The following OSMR variants were observed in gnomAD, a reference collection of about 807,000 sequenced individuals.
OSMR encodes the protein oncostatin-M-specific receptor subunit beta.
Under a neutral mutation model 99.9 loss-of-function variants are expected in OSMR, and 81 were observed. That is an observed-to-expected ratio of 0.81 (90% CI 0.68 to 0.97). OSMR has a LOEUF of 0.97. Ranked by LOEUF, OSMR falls within the 50% of genes least tolerant of loss-of-function variation. The probability of loss-of-function intolerance (pLI) is 0.00; values close to 1 mark genes in which losing one functional copy is unlikely to be tolerated. For synonymous variants in OSMR, 406 were observed against 410.4 expected (o/e 0.99, Z 0.13); for missense variants, 1,099 against 1,153.4 (o/e 0.95, Z 0.68).
At position 38,886,034 on chromosome 5, in the gene OSMR, T is replaced by A; in HGVS notation, c.840-5T>A. 1 of 1,613,052 alleles carries A rather than the reference T, an allele frequency of 6.2e-7. No homozygotes were observed. Reference sequence around the variant, plus strand: ...TGGTTGTGTTATTTTGTTTTGTTTTTAAAGATTTTCTGGGGAAAAGAAACT... The same window carrying A: ...TGGTTGTGTTATTTTGTTTTGTTTTAAAAGATTTTCTGGGGAAAAGAAACT... On this transcript the variant is annotated splice_region_variant and splice_polypyrimidine_tract_variant and intron_variant, in intron 6 of 17. Coordinates refer to ENST00000274276, the MANE Select transcript of OSMR (RefSeq NM_003999.3).
At chr5:38,936,585 C>A (rs1747054764), downstream of OSMR, among the ~76,000 whole-genome samples, 3 of 152,270 alleles carry the variant, frequency 2.0e-5, no homozygotes, top group South Asian at 6.2e-4. Flanking sequence ...AACCTTGTTA[C>A]CTACTAGAAT....
intron 7 of OSMR, among the ~76,000 whole-genome samples, chr5:38,892,900 C>G (rs1301192143): frequency 6.9e-6 from 1 of 145,644 alleles, no homozygotes; most frequent in East Asian, 2.0e-4. Context: ...AGTGCACTTA[C>G]AGGAGCTTCT....
rs1745979052 is a variant in OSMR, at chr5:38,917,566, G to T, written c.1306G>T (p.Val436Phe). 1.2e-6 allele frequency: 2 copies of T among 1,613,714 alleles called. No individual in the cohort carries two copies. The highest frequency in any genetic ancestry group is 2.2e-5 in the South Asian group (2 of 91,074). ...LEAAPSEAPD[V>F]WRIVSLEPGN... ...TTCAGCTCCCTCAGAGGCCCCTGATGTCTGGAGAATTGTGAGCTTGGAGCC... is the reference window on the plus strand; with the variant it reads ...TTCAGCTCCCTCAGAGGCCCCTGATTTCTGGAGAATTGTGAGCTTGGAGCC... Residue 436 changes from valine to phenylalanine, a missense_variant, in exon 10 of 18, where the codon GTC becomes TTC. Coordinates refer to ENST00000274276, the MANE Select transcript of OSMR (RefSeq NM_003999.3).
At position 38,921,505 on chromosome 5, in the gene OSMR, C is replaced by A. The variant is rs183966065; in HGVS notation, c.1586-110C>A. On this transcript the variant is annotated intron_variant, in intron 11 of 17. Coordinates refer to ENST00000274276, the MANE Select transcript of OSMR (RefSeq NM_003999.3). Reference sequence around the variant, plus strand: ...CACCTGTAACTATTGAAGTGGAGGTCTGTTACCTACTAGATACAGTGCATG... The same window carrying A: ...CACCTGTAACTATTGAAGTGGAGGTATGTTACCTACTAGATACAGTGCATG... 1.6e-3 allele frequency: 2,467 copies of A among 1,557,034 alleles called. 6 individuals carry two copies. The highest frequency in any genetic ancestry group is 2.0e-3 in the Non-Finnish European group (2,356 of 1,151,632).
intron 9 of OSMR, among the ~76,000 whole-genome samples, chr5:38,910,238 G>C (rs1745487742): frequency 6.6e-6 from 1 of 152,162 alleles, no homozygotes; most frequent in African/African-American, 2.4e-5. Context: ...AGTTCTTAGA[G>C]ACTTACAAAG....
At chr5:38,945,074 GA>G (rs767644787) in exon 3 of OSMR, 2 of 1,575,474 alleles carry the variant, frequency 1.3e-6, no homozygotes, top group Admixed American at 1.8e-5. Context: ...AAAGTCTGAA[GA>G]AAAAAATAAT....
At chr5:38,855,688 A>AC (rs1268521937) in intron 1 of OSMR, among the ~76,000 whole-genome samples, 9 of 138,184 alleles carry the variant, frequency 6.5e-5, no homozygotes, top group African/African-American at 1.6e-4. Flanking sequence ...CATTGCACTA[A>AC]CCCCCCCAAC....
chr5:38,927,115 A>AGG (rs1746507563), intron 15 of OSMR, among the ~76,000 whole-genome samples: 1 of 152,244 alleles, frequency 6.6e-6, no homozygotes, highest in African/African-American at 2.4e-5. Flanking sequence ...GGTCTTGGAC[A>AGG]GTTCCACCCC....
intron 13 of OSMR, among the ~76,000 whole-genome samples, chr5:38,924,012 A>T (rs1037181201): frequency 2.0e-5 from 3 of 152,218 alleles, no homozygotes; most frequent in Non-Finnish European, 2.9e-5. Context: ...CTCTTTGAAC[A>T]TAATTCTTCC....
chr5:38,857,940 T>A (rs1740984787), intron 1 of OSMR, among the ~76,000 whole-genome samples: 1 of 152,174 alleles, frequency 6.6e-6, no homozygotes, highest in African/African-American at 2.4e-5. Context: ...AATGCTGGGA[T>A]TACAGGCGTG....
Position 38,933,600 on chromosome 5 carries a change from G to T in OSMR, c.*156G>T. ...CAGTCTGGCTAGGTTAAAGGCCAGA[G>T]GCTATGGAACTTAACACTCCCCATT... On this transcript the variant is annotated 3_prime_UTR_variant, in exon 18 of 18. Coordinates refer to ENST00000274276, the MANE Select transcript of OSMR (RefSeq NM_003999.3). 1 of 791,434 alleles carries T rather than the reference G, an allele frequency of 1.3e-6. No individual in the cohort carries two copies. Among genetic ancestry groups the T allele is most frequent in the Non-Finnish European group, 2.1e-6 (1 of 482,712 alleles). 49.0% of individuals were successfully genotyped at this position (791,434 alleles called of 1,614,324 possible).
downstream of OSMR, chr5:38,945,574 T>C: frequency 6.2e-7 from 1 of 1,614,110 alleles, no homozygotes; most frequent in Non-Finnish European, 8.5e-7. Context: ...GCAGTTATCA[T>C]CTGTATGTTC....
chr5:38,862,943 G>C (rs938782153), intron 1 of OSMR, among the ~76,000 whole-genome samples: 26 of 152,008 alleles, frequency 1.7e-4, no homozygotes, highest in African/African-American at 4.6e-4. Flanking sequence ...TGGCGGATCA[G>C]TCGCGGTTAG....
chr5:38,897,231 G>A (rs1366484277), intron 7 of OSMR, among the ~76,000 whole-genome samples: 1 of 151,968 alleles, frequency 6.6e-6, no homozygotes, highest in African/African-American at 2.4e-5. Flanking sequence ...ATTGATATTA[G>A]TTCTTTAAAT....
At position 38,886,167 on chromosome 5, in the gene OSMR, T is replaced by A; in HGVS notation, c.968T>A (p.Ile323Asn). 6.2e-7 allele frequency: 1 copy of A among 1,614,090 alleles called. No homozygotes were observed. Among genetic ancestry groups the A allele is most frequent in the Non-Finnish European group, 8.5e-7 (1 of 1,179,958 alleles). Residue 323 changes from isoleucine to asparagine, a missense_variant, in exon 7 of 18, where the codon ATC becomes AAC. By Grantham distance (149) the Ile-to-Asn change is moderately radical. Transcript: ENST00000274276. ...ENYLRKRSVN[I>N]LFNLTHRVYL... ...TACTTAAGGAAGAGAAGTGTCAATA[T>A]CCTTTTTAACCTGACTCATCGAGGT...
At chr5:38,909,975 G>A (rs1045548246) in intron 9 of OSMR, among the ~76,000 whole-genome samples, 3 of 152,194 alleles carry the variant, frequency 2.0e-5, no homozygotes, top group Admixed American at 6.5e-5. Flanking sequence ...GCTGTCTACA[G>A]GAGACCTATA....
intron 7 of OSMR, among the ~76,000 whole-genome samples, chr5:38,897,286 C>T (rs1022730534): frequency 2.3e-4 from 35 of 152,114 alleles, no homozygotes; most frequent in African/African-American, 7.5e-4. Flanking sequence ...CCAGGCTTTT[C>T]TTTGCTGAGA....
intron 1 of OSMR, among the ~76,000 whole-genome samples, chr5:38,867,443 TG>T (rs1742037093): frequency 6.6e-6 from 1 of 152,230 alleles, no homozygotes; most frequent in Non-Finnish European, 1.5e-5. Context: ...AAAATCCAGG[TG>T]GCTGGACAGA....
rs79878235 is a variant in OSMR, at chr5:38,856,055, C to T, written c.-14+9668C>T. 6.0e-3 allele frequency among the ~76,000 whole-genome samples: 909 copies of T among 152,270 alleles called. 20 individuals carry two copies. The highest frequency in any genetic ancestry group is 0.021 in the African/African-American group (872 of 41,550). On this transcript the variant is annotated intron_variant, in intron 1 of 17. Coordinates refer to ENST00000274276, the MANE Select transcript of OSMR (RefSeq NM_003999.3). ...GGTCTTTGCAGAGTTTTCTCCCTCA[C>T]CTCTGGGCTTTTCGTTGTGTTAGTC... is the stretch of plus-strand genomic sequence containing the variant.
Sources: gnomAD v4.1 joint callset for allele counts (sites outside exome capture counted in the v4.1 genomes callset) on GRCh38, gnomAD v4.1.1 for gene constraint, MANE v1.5 for transcripts, NCBI Gene and HGNC (gene_info 2026-07-23, HGNC 2026-07-21) for gene names.